ZNF34: variants seen among roughly 807,000 people sequenced by gnomAD.
ZNF34 encodes zinc finger protein 34 (KOX 32).
Under a neutral mutation model 14.4 loss-of-function variants are expected in ZNF34, and 8 were observed. The ratio of observed to expected loss-of-function variants is 0.55; its 90% CI spans 0.33 to 1.00. The LOEUF (loss-of-function observed/expected upper bound fraction) is 1.00, where lower values mean the gene tolerates loss of function less well. Ranked by LOEUF, ZNF34 falls within the 50% of genes least tolerant of loss-of-function variation. The pLI is 0.03. For synonymous variants in ZNF34, 235 were observed against 247.9 expected (o/e 0.95, Z 0.49); for missense variants, 538 against 674.2 (o/e 0.80, Z 2.24).
At chr8:144,775,421 C>T (rs1825447368) in intron 5 of ZNF34, among the ~76,000 whole-genome samples, 1 of 152,210 alleles carries the variant, frequency 6.6e-6, no homozygotes. Context: ...GAGAGACATG[C>T]ACAAGAGTGT....
intron 1 of ZNF34, among the ~76,000 whole-genome samples, chr8:144,786,325 T>A (rs1039972580): frequency 6.6e-6 from 1 of 150,516 alleles, no homozygotes; most frequent in Admixed American, 6.6e-5. Flanking sequence ...AAAACAGTAT[T>A]AGGTTTGTAG....
rs758970794 is a variant in ZNF34 at position 144,774,313 on chromosome 8, G to A, written c.573C>T (p.Asn191=). 3 of 1,612,584 alleles carry A rather than the reference G, an allele frequency of 1.9e-6. No homozygotes were observed. The highest frequency in any genetic ancestry group is 1.7e-4 in the Middle Eastern group (1 of 6,060). Residue 191 remains asparagine, a synonymous_variant, in exon 6 of 6, where the codon AAC becomes AAT. Transcript: ENST00000429371. ...TTTTTGACCTGTGTACACGCTTATG[G>A]TTGTTGAGATATGATCTCTGTTCAA... is the stretch of plus-strand genomic sequence containing the variant. ...QSFEQRSYLN[N]HKRVHRSKKT...
chr8:144,784,757 C>CA (rs1232733609), intron 1 of ZNF34, among the ~76,000 whole-genome samples: 10 of 148,728 alleles, frequency 6.7e-5, no homozygotes, highest in Admixed American at 6.7e-4. Flanking sequence ...GACTCTGTCT[C>CA]AAAAAAATAA....
rs780495560 is a variant in ZNF34, at chr8:144,774,016, C to T, written c.870G>A (p.Glu290=). ...HSGEIPYRCD[E]CGKTFTRRPN... ...GCCTCCGGGTGAATGTCTTCCCACA[C>T]TCGTCACACCGGTAGGGAATCTCTC... Residue 290 remains glutamate, a synonymous_variant, in exon 6 of 6, where the codon GAG becomes GAA. Transcript: ENST00000429371. The T allele has an allele frequency of 6.2e-6, 10 of 1,613,984 alleles. No individual in the cohort carries two copies. In the Admixed American group the frequency reaches 1.7e-4, roughly 27 times the overall value.
intron 3 of ZNF34, 120 bp from the exon 4 acceptor site, chr8:144,778,284 C>G: frequency 6.9e-7 from 1 of 1,454,684 alleles, no homozygotes; most frequent in Non-Finnish European, 9.2e-7. Flanking sequence ...CATCTGCCAC[C>G]GAGCCAGCTA....
Position 144,777,791 on chromosome 8 carries a change from C to T in ZNF34, c.161-214G>A, listed in dbSNP as rs1272722224. Among the ~76,000 whole-genome samples the T allele has an allele frequency of 3.3e-5, 5 of 152,036 alleles. No homozygotes were observed. The highest frequency in any genetic ancestry group is 2.9e-5 in the Non-Finnish European group (2 of 67,968). On this transcript the variant is annotated intron_variant, in intron 4 of 5. Transcript: ENST00000429371. The surrounding 1 kb of genome is among the most constrained non-coding windows in gnomAD (Gnocchi z 4.8). ...CCCTCCACTAGGAGGTATGCAACTC[C>T]GCCCCCCCGGTGTCCCCCGCCCTAC... is the stretch of plus-strand genomic sequence containing the variant.
rs990785996 is a variant in ZNF34, at chr8:144,777,132, G to C, written c.280+326C>G. Among the ~76,000 whole-genome samples the C allele has an allele frequency of 1.3e-5, 2 of 152,078 alleles. No homozygotes were observed. The highest frequency in any genetic ancestry group is 1.3e-4 in the Admixed American group (2 of 15,262). On this transcript the variant is annotated intron_variant, in intron 5 of 5. Transcript: ENST00000429371. The surrounding 1 kb of genome is among the most constrained non-coding windows in gnomAD (Gnocchi z 4.8). ...CTCATTATCTGGCATCAGCTCTGGA[G>C]CGCAGGGTTCTGTGGGGTTCCGCAG...
intron 5 of ZNF34, among the ~76,000 whole-genome samples, chr8:144,775,605 G>GT (rs1389493483): frequency 2.0e-5 from 3 of 152,152 alleles, no homozygotes; most frequent in Non-Finnish European, 4.4e-5. Context: ...GATGCCCTGT[G>GT]TGAGTCTACA....
In ZNF34 at chr8:144,774,364, G is replaced by A; in HGVS notation, c.522C>T (p.His174=). ...LSRPVPDQRP[H]KCDICEQSFE... is the part of the protein sequence containing the mutation. ...AACTTTGCTCACATATATCACATTTGTGAGGTCTCTGATCAGGAACAGGTC... is the reference window on the plus strand; with the variant it reads ...AACTTTGCTCACATATATCACATTTATGAGGTCTCTGATCAGGAACAGGTC... Residue 174 remains histidine, a synonymous_variant, in exon 6 of 6, where the codon CAC becomes CAT. Coordinates refer to ENST00000429371, the MANE Select transcript of ZNF34 (RefSeq NM_001286769.2). 4 of 1,612,932 alleles carry A rather than the reference G, an allele frequency of 2.5e-6. No individual in the cohort carries two copies. The highest frequency in any genetic ancestry group is 1.6e-4 in the Middle Eastern group (1 of 6,062).
chr8:144,784,550 G>T (rs1414891872), intron 1 of ZNF34, among the ~76,000 whole-genome samples: 1 of 149,152 alleles, frequency 6.7e-6, no homozygotes, highest in African/African-American at 2.5e-5. Context: ...ACAAGGTCAA[G>T]AGTTCAAGAC....
rs1479600802 is a variant in ZNF34 at position 144,772,852 on chromosome 8, T to G, written c.*414A>C. Among the ~76,000 whole-genome samples, 1 of 152,186 alleles carries G rather than the reference T, an allele frequency of 6.6e-6. No homozygotes were observed. The highest frequency in any genetic ancestry group is 2.4e-5 in the African/African-American group (1 of 41,450). ...ACCACACCTGGCCGATGCTTTTAAA[T>G]TTACAATATGTAAAAATGTTAAAAT... is the stretch of plus-strand genomic sequence containing the variant. On this transcript the variant is annotated 3_prime_UTR_variant, in exon 6 of 6. Coordinates refer to ENST00000429371, the MANE Select transcript of ZNF34 (RefSeq NM_001286769.2).
At chr8:144,783,306 T>C (rs947955858) in intron 1 of ZNF34, among the ~76,000 whole-genome samples, 1 of 152,188 alleles carries the variant, frequency 6.6e-6, no homozygotes, top group African/African-American at 2.4e-5. Context: ...TTAGAAGCAC[T>C]TGTAGTAGAT....
chr8:144,778,849 C>T (rs1458814158), intron 2 of ZNF34, among the ~76,000 whole-genome samples: 1 of 152,180 alleles, frequency 6.6e-6, no homozygotes, highest in Non-Finnish European at 1.5e-5. Context: ...TCTCTCACCT[C>T]AGCCTCCTGA....
chr8:144,778,773 C>G (rs1241964531), intron 2 of ZNF34, among the ~76,000 whole-genome samples: 1 of 151,878 alleles, frequency 6.6e-6, no homozygotes, highest in Non-Finnish European at 1.5e-5. Flanking sequence ...CTCTTAGTTG[C>G]CCAGGCTAGA....
chr8:144,785,415 A>T (rs1371121797), intron 1 of ZNF34: 1 of 152,168 alleles, frequency 6.6e-6, no homozygotes, highest in African/African-American at 2.4e-5. Context: ...TAAGTTCGGC[A>T]TCAATATGGT....
chr8:144,784,536 G>A (rs2130324498), intron 1 of ZNF34, among the ~76,000 whole-genome samples: 1 of 150,154 alleles, frequency 6.7e-6, no homozygotes, highest in Non-Finnish European at 1.5e-5. Flanking sequence ...GAGGTGAGTG[G>A]ATCACAAGGT....
chr8:144,786,233 C>T (rs991429263), intron 1 of ZNF34, among the ~76,000 whole-genome samples: 1 of 151,884 alleles, frequency 6.6e-6, no homozygotes, highest in South Asian at 2.1e-4. Context: ...TGATCCCCCC[C>T]GCGCCTTGGC....
chr8:144,777,429 T>C lies in ZNF34; in HGVS notation c.280+29A>G, dbSNP rs1257145199. ...CCCAATAAAGGCTCGTTCGGTGACT[T>C]GAGTTGGGGAGCAGATCCCCTCACG... On this transcript the variant is annotated intron_variant, in intron 5 of 5. Transcript: ENST00000429371. The surrounding 1 kb of genome is among the most constrained non-coding windows in gnomAD (Gnocchi z 4.8). 6.5e-7 allele frequency: 1 copy of C among 1,549,546 alleles called. No individual in the cohort carries two copies. The highest frequency in any genetic ancestry group is 8.7e-7 in the Non-Finnish European group (1 of 1,145,788).
intron 1 of ZNF34, chr8:144,785,169 C>G (rs1563794698): frequency 6.8e-6 from 1 of 147,338 alleles, no homozygotes; most frequent in African/African-American, 2.5e-5. Flanking sequence ...AGATAAAAGG[C>G]AAGCAGACAA....
Sources: gnomAD v4.1 joint callset for allele counts (sites outside exome capture counted in the v4.1 genomes callset) on GRCh38, gnomAD v4.1.1 for gene constraint, Gnocchi (gnomAD v3.1) non-coding constraint, MANE v1.5 for transcripts, NCBI Gene and HGNC (gene_info 2026-07-23, HGNC 2026-07-21) for gene names.